The following EMP2 variants were observed in gnomAD, a reference collection of about 807,000 sequenced individuals.
The protein encoded by EMP2 is epithelial membrane protein 2.
EMP2 carries 19 observed loss-of-function variants against 13.7 expected under a neutral mutation model. The ratio of observed to expected loss-of-function variants is 1.38; its 90% CI spans 0.97 to 2.03. The LOEUF (loss-of-function observed/expected upper bound fraction) is 2.03. Among genes scored for constraint, EMP2 ranks in the 30% most tolerant of loss-of-function variants. The pLI, the probability that EMP2 is intolerant of heterozygous loss-of-function variation, is 0.00. For synonymous variants in EMP2, 97 were observed against 84.7 expected (o/e 1.15, Z -0.80); for missense variants, 253 against 220.7 (o/e 1.15, Z -0.93).
intron 3 of EMP2, among the ~76,000 whole-genome samples, chr16:10,540,292 G>A (rs552372248): frequency 3.9e-5 from 6 of 152,254 alleles, no homozygotes; most frequent in South Asian, 2.1e-4. Context: ...GATCACCTGA[G>A]GTCAGGAGTT....
chr16:10,545,774 G>A (rs1228857726), intron 2 of EMP2: 4 of 150,796 alleles, frequency 2.7e-5, no homozygotes, highest in Non-Finnish European at 5.9e-5. Flanking sequence ...CCATCCCCCT[G>A]CAATGCCCCC....
intron 3 of EMP2, among the ~76,000 whole-genome samples, chr16:10,539,958 T>C (rs1418390357): frequency 6.6e-6 from 1 of 152,130 alleles, no homozygotes; most frequent in African/African-American, 2.4e-5. Flanking sequence ...GAGATTCTGC[T>C]ACCATTGTCC....
intron 4 of EMP2, 63 bp downstream of exon 4, chr16:10,537,865 G>C (rs533736752): frequency 1.9e-6 from 3 of 1,584,708 alleles, no homozygotes; most frequent in Non-Finnish European, 2.6e-6. Flanking sequence ...CCCTCCTGGC[G>C]GCTGGGAAGG....
chr16:10,563,723 G>C (rs1344848816), intron 1 of EMP2, among the ~76,000 whole-genome samples: 1 of 152,220 alleles, frequency 6.6e-6, no homozygotes, highest in Non-Finnish European at 1.5e-5. Flanking sequence ...ACAGACTTGA[G>C]CCAGACTGAC....
chr16:10,547,654 G>C lies in EMP2; in HGVS notation c.-37C>G. On this transcript the variant is annotated 5_prime_UTR_variant, in exon 2 of 5. Transcript: ENST00000359543. ...AGGGCGAGTCGAGGCGAGGGGTCAC[G>C]TTTAAAGCCCAGAGCGGGATGTGCT... is the stretch of plus-strand genomic sequence containing the variant. The C allele has an allele frequency of 6.2e-7, 1 of 1,605,824 alleles. No individual in the cohort carries two copies.
intron 3 of EMP2, among the ~76,000 whole-genome samples, chr16:10,543,094 C>G (rs767241313): frequency 1.1e-4 from 17 of 152,230 alleles, no homozygotes; most frequent in Non-Finnish European, 1.8e-4. Flanking sequence ...GATCCATCCG[C>G]CTCTGCTTCC....
At chr16:10,555,111 G>C (rs1381051527) in intron 1 of EMP2, among the ~76,000 whole-genome samples, 1 of 152,050 alleles carries the variant, frequency 6.6e-6, no homozygotes, top group African/African-American at 2.4e-5. Context: ...AACGAAGGAG[G>C]GCCAAGACTT....
At chr16:10,562,429 G>A (rs2050879388) in intron 1 of EMP2, among the ~76,000 whole-genome samples, 1 of 150,452 alleles carries the variant, frequency 6.6e-6, no homozygotes, top group Admixed American at 6.6e-5. Context: ...GTAACTGTGT[G>A]AACAAGCCCA....
intron 3 of EMP2, among the ~76,000 whole-genome samples, chr16:10,543,168 G>C (rs1242058054): frequency 6.6e-6 from 1 of 152,174 alleles, no homozygotes; most frequent in Non-Finnish European, 1.5e-5. Context: ...TCTTACTGCT[G>C]GACAGGGAAA....
At chr16:10,539,477 A>T (rs926578552) in intron 3 of EMP2, among the ~76,000 whole-genome samples, 3 of 152,078 alleles carry the variant, frequency 2.0e-5, no homozygotes, top group African/African-American at 7.2e-5. Context: ...CCCCATTCCC[A>T]TGAGGCCCAG....
In EMP2 at chr16:10,580,226, G is replaced by A. The variant is rs1050241904; in HGVS notation, c.-61+323C>T. Among the ~76,000 whole-genome samples the A allele has an allele frequency of 2.6e-5, 4 of 152,168 alleles. No individual in the cohort carries two copies. The highest frequency in any genetic ancestry group is 5.9e-5 in the Non-Finnish European group (4 of 68,018). On this transcript the variant is annotated intron_variant, in intron 1 of 4. Transcript: ENST00000359543. The surrounding 1 kb of genome is among the most constrained non-coding windows in gnomAD (Gnocchi z 4.3). ...CTCACGCGACCTGGGGATCTCCCTGGACTCCAAGAGCCCCGGGTGTAAGTC... is the reference window on the plus strand; with the variant it reads ...CTCACGCGACCTGGGGATCTCCCTGAACTCCAAGAGCCCCGGGTGTAAGTC...
chr16:10,552,049 T>TC (rs1165433330), intron 1 of EMP2, among the ~76,000 whole-genome samples: 2 of 151,640 alleles, frequency 1.3e-5, no homozygotes, highest in African/African-American at 4.8e-5. Context: ...AAAGACAAAT[T>TC]CCCCTTTGTT....
At chr16:10,555,619 GT>G (rs962543621) in intron 1 of EMP2, among the ~76,000 whole-genome samples, 14 of 148,176 alleles carry the variant, frequency 9.4e-5, no homozygotes, top group African/African-American at 3.0e-4. Flanking sequence ...ATGGAGTTTT[GT>G]TTTTTTTCCC....
At chr16:10,572,617 A>T (rs1202309133) in intron 1 of EMP2, among the ~76,000 whole-genome samples, 1 of 152,180 alleles carries the variant, frequency 6.6e-6, no homozygotes, top group Non-Finnish European at 1.5e-5. Flanking sequence ...AGGATAGATG[A>T]CCTGTCACAG....
intron 1 of EMP2, among the ~76,000 whole-genome samples, chr16:10,560,576 C>A (rs1008170798): frequency 6.6e-6 from 1 of 152,198 alleles, no homozygotes; most frequent in African/African-American, 2.4e-5. Flanking sequence ...ATGTACTGGG[C>A]ATGAGTAAGG....
At chr16:10,535,491 T>C (rs1395748172) in intron 4 of EMP2, among the ~76,000 whole-genome samples, 1 of 151,980 alleles carries the variant, frequency 6.6e-6, no homozygotes, top group Admixed American at 6.6e-5. Context: ...TCCCAACACT[T>C]TGAGAGGCTG....
intron 1 of EMP2, among the ~76,000 whole-genome samples, chr16:10,559,686 T>C (rs1168887127): frequency 6.6e-6 from 1 of 152,256 alleles, no homozygotes; most frequent in East Asian, 1.9e-4. Flanking sequence ...TTTATTTTTA[T>C]TTTTTTGAGA....
rs1209815518 is a variant in EMP2, at chr16:10,531,521, G to A, written c.*1384C>T. On this transcript the variant is annotated 3_prime_UTR_variant, in exon 5 of 5. Coordinates refer to ENST00000359543, the MANE Select transcript of EMP2 (RefSeq NM_001424.6). ...CATTTTTGTATTTTTAGTAGAGACA[G>A]GTTTTACCATTTTGGCCAGGCTGGT... The A allele has an allele frequency of 2.0e-5, 3 of 151,314 alleles. No individual in the cohort carries two copies. The highest frequency in any genetic ancestry group is 4.4e-5 in the Non-Finnish European group (3 of 67,914). 9.4% of individuals were successfully genotyped at this position (151,314 alleles called of 1,614,324 possible).
intron 2 of EMP2, chr16:10,546,098 T>G (rs2050736635): frequency 6.6e-6 from 1 of 152,224 alleles, no homozygotes; most frequent in Admixed American, 6.5e-5. Flanking sequence ...GTCGGTGCCC[T>G]ACCTGGTACA....
Sources: gnomAD v4.1 joint callset for allele counts (sites outside exome capture counted in the v4.1 genomes callset) on GRCh38, gnomAD v4.1.1 for gene constraint, Gnocchi (gnomAD v3.1) non-coding constraint, MANE v1.5 for transcripts, NCBI Gene and HGNC (gene_info 2026-07-23, HGNC 2026-07-21) for gene names.